The following TMEM233 variants were observed in gnomAD, a reference collection of about 807,000 sequenced individuals.
TMEM233 encodes the protein dispanin subfamily B member 2.
In TMEM233, 6 loss-of-function variants were observed where a neutral mutation model predicts 11.2. The ratio of observed to expected loss-of-function variants is 0.54; its 90% confidence interval spans 0.29 to 1.06. The LOEUF (loss-of-function observed/expected upper bound fraction) is 1.06, where lower values mean the gene tolerates loss of function less well. Among genes scored for constraint, TMEM233 ranks in the 50% least tolerant of loss-of-function variants. The probability of loss-of-function intolerance (pLI) is 0.08; values close to 1 mark genes in which losing one functional copy is unlikely to be tolerated. For missense variants in TMEM233, 127 were observed against 144.7 expected, an observed-to-expected ratio of 0.88 and a Z score of 0.63; for synonymous variants, 59 against 55.8, an observed-to-expected ratio of 1.06 and a Z score of -0.26.
intron 1 of TMEM233, among the ~76,000 whole-genome samples, chr12:119,617,723 C>G (rs1355936691): frequency 6.6e-6 from 1 of 152,088 alleles, no homozygotes; most frequent in East Asian, 1.9e-4. Context: ...ATCCCAGCTA[C>G]TCGGGAGGCT....
intron 1 of TMEM233, among the ~76,000 whole-genome samples, chr12:119,609,805 G>T (rs938251498): frequency 1.7e-4 from 26 of 152,360 alleles, no homozygotes; most frequent in African/African-American, 6.3e-4. Flanking sequence ...CCAGGCAGAG[G>T]TTTGCTGCAG....
chr12:119,643,138 A>G (rs527521137), downstream of TMEM233: 243 of 152,424 alleles, frequency 1.6e-3, 2 homozygotes, highest in African/African-American at 5.5e-3. Flanking sequence ...CGTAACCAAA[A>G]TAAGCTCATC....
At chr12:119,612,934 A>T (rs936320368) in intron 1 of TMEM233, among the ~76,000 whole-genome samples, 1 of 152,072 alleles carries the variant, frequency 6.6e-6, no homozygotes, top group African/African-American at 2.4e-5. Context: ...AATAAAAAAA[A>T]GAGGAAAACT....
the TMEM233 span, among the ~76,000 whole-genome samples, chr12:119,649,955 A>G: frequency 6.6e-6 from 1 of 151,562 alleles, no homozygotes; most frequent in African/African-American, 2.4e-5. Context: ...TAAGGAGATC[A>G]AGACCACCCT....
intron 1 of TMEM233, among the ~76,000 whole-genome samples, chr12:119,617,791 C>A (rs1020278571): frequency 6.6e-6 from 1 of 152,100 alleles, no homozygotes; most frequent in Non-Finnish European, 1.5e-5. Context: ...CAAGATCACG[C>A]CATTGCACTC....
intron 1 of TMEM233, among the ~76,000 whole-genome samples, chr12:119,599,812 G>A (rs1277484654): frequency 1.3e-5 from 2 of 152,278 alleles, no homozygotes; most frequent in East Asian, 3.9e-4. Context: ...AACTCAGACA[G>A]AAGATTAGAG....
intron 1 of TMEM233, among the ~76,000 whole-genome samples, chr12:119,617,734 G>T (rs996767476): frequency 6.6e-6 from 1 of 152,168 alleles, no homozygotes; most frequent in Non-Finnish European, 1.5e-5. Flanking sequence ...TCGGGAGGCT[G>T]AGGCAAGAGA....
chr12:119,606,044 T>C (rs1954273209), intron 1 of TMEM233, among the ~76,000 whole-genome samples: 1 of 152,174 alleles, frequency 6.6e-6, no homozygotes, highest in African/African-American at 2.4e-5. Context: ...GACTTTTAGG[T>C]GTAGAAACAG....
At position 119,623,817 on chromosome 12, in the gene TMEM233, G is replaced by A. The variant is rs537620325; in HGVS notation, c.187-5919G>A. Reference sequence around the variant, plus strand: ...CACATTAATTCAATGTGAAGTGGGCGCTATTACTATTGCCCCCGATTTACA... The same window carrying A: ...CACATTAATTCAATGTGAAGTGGGCACTATTACTATTGCCCCCGATTTACA... On this transcript the variant is annotated intron_variant, in intron 1 of 2. Coordinates refer to ENST00000426426, the MANE Select transcript of TMEM233 (RefSeq NM_001136534.3). Among the ~76,000 whole-genome samples, 48 of 152,276 alleles carry A rather than the reference G, an allele frequency of 3.2e-4. No homozygotes were observed. The South Asian group carries it at 9.5e-3, about 30-fold the overall frequency.
At chr12:119,621,202 C>G (rs1294303908) in intron 1 of TMEM233, among the ~76,000 whole-genome samples, 2 of 152,198 alleles carry the variant, frequency 1.3e-5, no homozygotes, top group Non-Finnish European at 2.9e-5. Flanking sequence ...GCATGTGCCA[C>G]CACGCCAGCT....
chr12:119,605,409 CTTTTTTTTTTTTTTT>C (rs6144897), intron 1 of TMEM233, among the ~76,000 whole-genome samples: 4 of 93,648 alleles, frequency 4.3e-5, no homozygotes, highest in East Asian at 7.9e-4. Context: ...TATGCCTTTC[CTTTTTTTTTTTTTTT>C]TTTTTTTTTT....
intron 2 of TMEM233, among the ~76,000 whole-genome samples, chr12:119,633,003 A>C (rs1343433631): frequency 6.6e-6 from 1 of 152,070 alleles, no homozygotes; most frequent in African/African-American, 2.4e-5. Context: ...TCTGGGGATG[A>C]AGTGTTGATG....
intron 1 of TMEM233, among the ~76,000 whole-genome samples, chr12:119,612,086 C>T (rs943896404): frequency 7.9e-5 from 12 of 151,992 alleles, no homozygotes; most frequent in African/African-American, 2.7e-4. Context: ...CTCCGCCTCC[C>T]GGGTTCAAGT....
At chr12:119,604,101 C>T (rs1954218776) in intron 1 of TMEM233, among the ~76,000 whole-genome samples, 1 of 152,224 alleles carries the variant, frequency 6.6e-6, no homozygotes, top group South Asian at 2.1e-4. Context: ...CAGGGCAGGA[C>T]ACTCTTCAGC....
chr12:119,649,024 G>A, the TMEM233 span, among the ~76,000 whole-genome samples: 105 of 152,276 alleles, frequency 6.9e-4, no homozygotes, highest in African/African-American at 2.5e-3. Flanking sequence ...CCGGCTGGGC[G>A]CGGTGGCTCA....
intron 1 of TMEM233, among the ~76,000 whole-genome samples, chr12:119,600,683 G>A (rs1954145347): frequency 6.6e-6 from 1 of 152,210 alleles, no homozygotes; most frequent in African/African-American, 2.4e-5. Flanking sequence ...CAAGAAGCCA[G>A]TCACAAAAGG....
chr12:119,611,120 A>T (rs1954390756), intron 1 of TMEM233, among the ~76,000 whole-genome samples: 1 of 152,232 alleles, frequency 6.6e-6, no homozygotes, highest in African/African-American at 2.4e-5. Context: ...GCTCTTAAAA[A>T]TATGCTGCTA....
chr12:119,611,997 C>CTTT (rs536116475), intron 1 of TMEM233, among the ~76,000 whole-genome samples: 5 of 147,270 alleles, frequency 3.4e-5, no homozygotes, highest in Non-Finnish European at 4.5e-5. Context: ...CATAGATATT[C>CTTT]TTTTTTTTTT....
At chr12:119,635,761 C>G (rs1200164853) in intron 2 of TMEM233, among the ~76,000 whole-genome samples, 1 of 152,180 alleles carries the variant, frequency 6.6e-6, no homozygotes, top group East Asian at 1.9e-4. Context: ...TTTCACCACC[C>G]TCTTCTCAGT....
Sources: allele counts gnomAD v4.1 joint callset (sites outside exome capture counted in the v4.1 genomes callset), GRCh38; gene constraint gnomAD v4.1.1; transcripts MANE v1.5; gene names NCBI Gene and HGNC (gene_info 2026-07-23, HGNC 2026-07-21).